NTM: variants seen among roughly 807,000 people sequenced by gnomAD.
The protein encoded by NTM is neurotrimin.
NTM carries 13 observed loss-of-function variants against 42.1 expected under a neutral mutation model. That is an observed-to-expected ratio of 0.31 (90% CI 0.20 to 0.49). NTM has a LOEUF of 0.49. Ranked by LOEUF, NTM falls within the 20% of genes least tolerant of loss-of-function variation. The probability of loss-of-function intolerance (pLI) is 0.99; values close to 1 mark genes in which losing one functional copy is unlikely to be tolerated. For missense variants in NTM, 373 were observed against 452.8 expected, an observed-to-expected ratio of 0.82 and a Z score of 1.60; for synonymous variants, 187 against 179.2, an observed-to-expected ratio of 1.04 and a Z score of -0.35.
At chr11:132,325,281 G>A (rs2095654760) in intron 7 of NTM, among the ~76,000 whole-genome samples, 1 of 149,878 alleles carries the variant, frequency 6.7e-6, no homozygotes, top group East Asian at 1.9e-4. Flanking sequence ...TCTGACAAAG[G>A]GCTAATATCC....
At chr11:132,254,777 G>T (rs1419266372) in intron 4 of NTM, among the ~76,000 whole-genome samples, 3 of 152,128 alleles carry the variant, frequency 2.0e-5, no homozygotes, top group South Asian at 4.1e-4. Flanking sequence ...TTCCAGTGAG[G>T]TCAGAATCCT....
At chr11:131,699,152 C>A (rs530320114) in intron 1 of NTM, among the ~76,000 whole-genome samples, 1 of 152,264 alleles carries the variant, frequency 6.6e-6, no homozygotes, top group Non-Finnish European at 1.5e-5. Context: ...CCACATTGGA[C>A]AAGGAGGGAT....
chr11:131,412,263 T>G (rs1946503778), intron 1 of NTM, among the ~76,000 whole-genome samples: 1 of 152,136 alleles, frequency 6.6e-6, no homozygotes, highest in Admixed American at 6.5e-5. Flanking sequence ...AATGACGGAC[T>G]CAGCAGGTTA....
At chr11:132,281,368 G>A (rs911634032) in intron 4 of NTM, among the ~76,000 whole-genome samples, 3 of 152,140 alleles carry the variant, frequency 2.0e-5, no homozygotes, top group Non-Finnish European at 2.9e-5. Context: ...CAGTGTCTAG[G>A]TAATCAATTC....
At position 131,822,593 on chromosome 11, in the gene NTM, GA is replaced by G. The variant is rs535995670; in HGVS notation, c.83-88969del. Among the ~76,000 whole-genome samples the G allele has an allele frequency of 2.9e-3, 435 of 152,236 alleles. 3 individuals are homozygous for G. Among genetic ancestry groups the G allele is most frequent in the African/African-American group, 0.01 (421 of 41,538 alleles). On this transcript the variant is annotated intron_variant, in intron 1 of 8. Coordinates refer to ENST00000683400, the MANE Select transcript of NTM (RefSeq NM_001352005.2). Reference sequence around the variant, plus strand: ...TCATAACAGCTGCTTTCAGTGTCTTGAATCAGCAACTGATAAGGGGAAGGAA... The same window carrying G: ...TCATAACAGCTGCTTTCAGTGTCTTGATCAGCAACTGATAAGGGGAAGGAA...
chr11:131,803,386 G>A (rs750402742), intron 1 of NTM, among the ~76,000 whole-genome samples: 8 of 151,176 alleles, frequency 5.3e-5, no homozygotes, highest in Admixed American at 2.0e-4. Flanking sequence ...TTGGCTCACC[G>A]CAAGCTCTGC....
chr11:132,330,651 C>A (rs1368990662), intron 8 of NTM, among the ~76,000 whole-genome samples: 1 of 152,184 alleles, frequency 6.6e-6, no homozygotes, highest in Non-Finnish European at 1.5e-5. Context: ...GGGTGAGTCA[C>A]TTGGCTACGA....
intron 2 of NTM, among the ~76,000 whole-genome samples, chr11:132,124,750 G>C (rs2065397132): frequency 1.3e-5 from 2 of 152,236 alleles, no homozygotes; most frequent in South Asian, 4.1e-4. Flanking sequence ...GCCAAGTGAG[G>C]AGGATTGCCT....
chr11:132,087,157 C>T (rs1230729416), intron 2 of NTM, among the ~76,000 whole-genome samples: 1 of 152,088 alleles, frequency 6.6e-6, no homozygotes, highest in Non-Finnish European at 1.5e-5. Flanking sequence ...CCTTATATTC[C>T]CAAGTCCCAG....
intron 1 of NTM, chr11:131,771,450 A>C (rs2086087296): frequency 6.6e-6 from 1 of 152,222 alleles, no homozygotes; most frequent in African/African-American, 2.4e-5. Context: ...TCAGGATTTA[A>C]GGGAGCATGT....
chr11:132,058,718 G>A (rs992645036), intron 2 of NTM, among the ~76,000 whole-genome samples: 1 of 152,202 alleles, frequency 6.6e-6, no homozygotes, highest in African/African-American at 2.4e-5. Flanking sequence ...AAAACAGGAA[G>A]TTGCCTTCTT....
intron 2 of NTM, among the ~76,000 whole-genome samples, chr11:132,111,729 A>G (rs140820711): frequency 0.013 from 2,012 of 152,384 alleles, 25 homozygotes; most frequent in Non-Finnish European, 0.02. Flanking sequence ...GCTAGGCTTC[A>G]GATTCATCGC....
intron 1 of NTM, among the ~76,000 whole-genome samples, chr11:131,486,935 C>T (rs745572104): frequency 1.8e-4 from 27 of 152,194 alleles, no homozygotes; most frequent in Non-Finnish European, 3.8e-4. Flanking sequence ...GCCAGAGTGG[C>T]CCTCTGATTA....
chr11:131,748,269 G>A (rs1297804577), intron 1 of NTM, among the ~76,000 whole-genome samples: 1 of 152,198 alleles, frequency 6.6e-6, no homozygotes, highest in Non-Finnish European at 1.5e-5. Context: ...CATGACGGTG[G>A]ACACACACTT....
At chr11:132,173,271 G>A (rs960488367) in intron 3 of NTM, among the ~76,000 whole-genome samples, 4 of 152,164 alleles carry the variant, frequency 2.6e-5, no homozygotes, top group Non-Finnish European at 5.9e-5. Context: ...AACTTCAAGA[G>A]AAGTTAAATC....
At chr11:131,605,861 A>G in intron 1 of NTM, 1 of 983,790 alleles carries the variant, frequency 1.0e-6, no homozygotes, top group Non-Finnish European at 1.2e-6. Flanking sequence ...GGACTATCTC[A>G]CCTGAGGCAG....
chr11:132,329,612 C>T (rs1019484588), intron 7 of NTM, among the ~76,000 whole-genome samples: 5 of 152,226 alleles, frequency 3.3e-5, no homozygotes, highest in African/African-American at 7.2e-5. Context: ...GAAGCTGACT[C>T]ACCAGTGTTT....
chr11:132,270,220 AT>A (rs2093410994), intron 4 of NTM, among the ~76,000 whole-genome samples: 1 of 151,902 alleles, frequency 6.6e-6, no homozygotes, highest in Admixed American at 6.6e-5. Context: ...GAGACCATAT[AT>A]TTTATTTTTT....
chr11:132,194,190 A>G (rs945870748), intron 3 of NTM, among the ~76,000 whole-genome samples: 2 of 152,124 alleles, frequency 1.3e-5, no homozygotes, highest in African/African-American at 4.8e-5. Context: ...GTTATTATCC[A>G]TGATGAACAT....
Sources: allele counts gnomAD v4.1 joint callset (sites outside exome capture counted in the v4.1 genomes callset), GRCh38; gene constraint gnomAD v4.1.1; transcripts MANE v1.5; gene names NCBI Gene and HGNC (gene_info 2026-07-23, HGNC 2026-07-21).